WASHC5: variants seen among roughly 807,000 people sequenced by gnomAD.
WASHC5 encodes the protein WASH complex subunit 5.
A neutral mutation model predicts 150.4 loss-of-function variants in WASHC5; 101 were observed. That is an observed-to-expected ratio of 0.67 (90% CI 0.57 to 0.79). The LOEUF (loss-of-function observed/expected upper bound fraction) is 0.79, where lower values mean the gene tolerates loss of function less well. Ranked by LOEUF, WASHC5 falls within the 30% of genes least tolerant of loss-of-function variation. The pLI is 0.00. For missense variants in WASHC5, 1,195 were observed against 1,396.3 expected (o/e 0.86, Z 2.30); for synonymous variants, 467 against 491.2 (o/e 0.95, Z 0.65).
At chr8:125,066,133 A>G (rs774485090) in intron 10 of WASHC5, among the ~76,000 whole-genome samples, 9 of 152,196 alleles carry the variant, frequency 5.9e-5, no homozygotes, top group Non-Finnish European at 1.0e-4. Flanking sequence ...TAGGTATTCA[A>G]TAACTATTTG....
chr8:125,048,543 G>A (rs79033820), intron 19 of WASHC5, among the ~76,000 whole-genome samples: 4,263 of 152,206 alleles, frequency 0.028, 203 homozygotes, highest in African/African-American at 0.098. Context: ...AAAATAACAA[G>A]CATTGGTTAG....
Position 125,056,810 on chromosome 8 carries a change from T to G in WASHC5, c.1883A>C (p.Gln628Pro). Residue 628 changes from glutamine to proline, a missense_variant, in exon 16 of 29, where the codon CAG (glutamine) becomes CCG (proline). By Grantham distance (76) the Gln-to-Pro change is moderately conservative. Around this residue, in one of 3 missense-constraint regions of WASHC5, gnomAD observed 997 missense variants for 1,168.1 expected, o/e 0.85. Coordinates refer to ENST00000318410, the MANE Select transcript of WASHC5 (RefSeq NM_014846.4). ...TGTAAACATGCTTTCTGGGATGATCTGCAAAACCTTCAGTGAAAAGGAAAG... is the reference window on the plus strand; with the variant it reads ...TGTAAACATGCTTTCTGGGATGATCGGCAAAACCTTCAGTGAAAAGGAAAG... The part of the protein sequence containing the change: ...ELVSYVRKVL[Q>P]IIPESMFTSL... 6.2e-7 allele frequency: 1 copy of G among 1,614,168 alleles called. No individual in the cohort carries two copies. The highest frequency in any genetic ancestry group is 8.5e-7 in the Non-Finnish European group (1 of 1,180,012).
chr8:125,051,623 C>CA (rs538984086), intron 17 of WASHC5, among the ~76,000 whole-genome samples: 33 of 152,364 alleles, frequency 2.2e-4, no homozygotes, highest in Admixed American at 4.6e-4. Context: ...CGTGGTGACT[C>CA]ACGCCTGTAA....
At chr8:125,063,844 A>G (rs1176971074) in intron 10 of WASHC5, among the ~76,000 whole-genome samples, 193 bp from the exon 11 acceptor site, 1 of 152,222 alleles carries the variant, frequency 6.6e-6, no homozygotes, top group South Asian at 2.1e-4. Context: ...GACCACCTCC[A>G]AAACAGTAGT....
intron 12 of WASHC5, 74 bp downstream of exon 12, chr8:125,061,007 AG>A (rs905219624): frequency 1.8e-5 from 14 of 788,674 alleles, no homozygotes; most frequent in Non-Finnish European, 2.7e-5. Flanking sequence ...CTATATTTAC[AG>A]GAACAGACTG....
chr8:125,078,810 C>G lies in WASHC5; in HGVS notation c.639G>C (p.Gln213His), dbSNP rs141234822. 138 of 1,613,918 alleles carry G rather than the reference C, an allele frequency of 8.6e-5. 1 individual carries two copies. Among genetic ancestry groups the G allele is most frequent in the Non-Finnish European group, 1.1e-5 (13 of 1,179,964 alleles). ...RPSNYPESYF[Q>H]RVPINESFIS... ...TGAAGGATTCGTTGATAGGCACTCT[C>G]TGGAAATAGCTCTCGGGATAGTTGG... Residue 213 changes from glutamine (Q) to histidine (H), a missense_variant, in exon 6 of 29, where the codon CAG (glutamine) becomes CAC (histidine). By Grantham distance (24) the Gln-to-His change is conservative. Around this residue, in one of 3 missense-constraint regions of WASHC5, gnomAD observed 997 missense variants for 1,168.1 expected, o/e 0.85. Transcript: ENST00000318410.
chr8:125,090,281 C>G (rs1399572045), intron 1 of WASHC5, among the ~76,000 whole-genome samples: 1 of 152,184 alleles, frequency 6.6e-6, no homozygotes, highest in Non-Finnish European at 1.5e-5. Context: ...AGAACAGAAT[C>G]TAAGAACCAT....
intron 26 of WASHC5, among the ~76,000 whole-genome samples, chr8:125,036,846 A>T (rs1319681839): frequency 1.3e-5 from 2 of 152,080 alleles, no homozygotes; most frequent in Non-Finnish European, 2.9e-5. Flanking sequence ...CTCTGTCTCT[A>T]CTAAAAATAC....
intron 11 of WASHC5, among the ~76,000 whole-genome samples, chr8:125,061,526 C>T (rs765068510): frequency 7.9e-5 from 12 of 152,010 alleles, no homozygotes; most frequent in Middle Eastern, 3.4e-3. Flanking sequence ...TCTGGAGAAG[C>T]GAGGAAAAGT....
chr8:125,029,884 CTG>C (rs1429501585), intron 27 of WASHC5, among the ~76,000 whole-genome samples: 1 of 152,196 alleles, frequency 6.6e-6, no homozygotes, highest in Non-Finnish European at 1.5e-5. Flanking sequence ...TTAAGAATGA[CTG>C]TACCTGGAAA....
chr8:125,036,931 T>G (rs940939724), intron 26 of WASHC5, among the ~76,000 whole-genome samples: 2 of 152,134 alleles, frequency 1.3e-5, no homozygotes, highest in Non-Finnish European at 2.9e-5. Flanking sequence ...GAGAATCGCT[T>G]GAACCTGCGA....
In WASHC5 at chr8:125,075,532, A is replaced by G. The variant is rs541572285; in HGVS notation, c.865-421T>C. Among the ~76,000 whole-genome samples the G allele has an allele frequency of 4.0e-4, 61 of 152,296 alleles. 1 individual carries two copies. The highest frequency in any genetic ancestry group is 3.4e-3 in the Middle Eastern group (1 of 294). On this transcript the variant is annotated intron_variant, in intron 7 of 28. Coordinates refer to ENST00000318410, the MANE Select transcript of WASHC5 (RefSeq NM_014846.4). ...CTTAATAATAAATATGTCTTTAATT[A>G]TAGTATCATGGTCAAAACTTCTTTA...
At chr8:125,081,236 CTTTT>C (rs35035456) in intron 5 of WASHC5, among the ~76,000 whole-genome samples, 6 of 129,146 alleles carry the variant, frequency 4.6e-5, no homozygotes, top group South Asian at 2.5e-4. Flanking sequence ...AAGAATCTTA[CTTTT>C]TTTTTTTTTT....
At chr8:125,039,939 C>A (rs372807188) in intron 23 of WASHC5, 41 bp from the exon 24 acceptor site, 691 of 1,341,040 alleles carry the variant, frequency 5.2e-4, no homozygotes, top group Non-Finnish European at 6.9e-4. Flanking sequence ...TGCATTCAAG[C>A]ATTTCAGAGT....
chr8:125,075,820 C>A (rs75480157), intron 7 of WASHC5, among the ~76,000 whole-genome samples: 1 of 152,158 alleles, frequency 6.6e-6, no homozygotes, highest in Non-Finnish European at 1.5e-5. Context: ...TCATATATTT[C>A]ATTTCATATA....
In WASHC5 at chr8:125,024,648, A is replaced by G. The variant is rs752817483; in HGVS notation, c.3449T>C (p.Phe1150Ser). 6.2e-7 allele frequency: 1 copy of G among 1,611,674 alleles called. No homozygotes were observed. The highest frequency in any genetic ancestry group is 1.1e-5 in the South Asian group (1 of 91,030). Residue 1150 changes from phenylalanine (F) to serine (S), a missense_variant, in exon 29 of 29, where the codon TTC becomes TCC. Transcript: ENST00000318410. ...CACTGTTCTGAACTCATCAAAAATG[A>G]AATTAGGCACATGTGCTTCAGCAAC... ...RRVAEAHVPN[F>S]IFDEFRTVL
In WASHC5 at chr8:125,024,676, G is replaced by A. The variant is rs1304405279; in HGVS notation, c.3424-3C>T. The A allele has an allele frequency of 6.3e-7, 1 of 1,597,926 alleles. No homozygotes were observed. ...TTAGGCACATGTGCTTCAGCAACCT[G>A]AAAAATTAAAGAATTAAATTATTCA... On this transcript the variant is annotated splice_region_variant and splice_polypyrimidine_tract_variant and intron_variant, in intron 28 of 28. Transcript: ENST00000318410.
Position 125,049,111 on chromosome 8 carries a change from T to C in WASHC5, c.2274A>G (p.Ile758Met). Reference protein sequence around the residue: ...MDGFHRSFEYIQDYVNIYGLK... With the variant: ...MDGFHRSFEYMQDYVNIYGLK... ...GACCATAAATGTTGACATAGTCCTG[T>C]ATGTATTCAAAAGAACGATGGAATC... The change falls in exon 19 of 29, where the codon ATA (isoleucine) becomes ATG (methionine). Residue 758 changes from isoleucine (I) to methionine (M), a missense_variant. Coordinates refer to ENST00000318410, the MANE Select transcript of WASHC5 (RefSeq NM_014846.4). 1 of 1,614,080 alleles carries C rather than the reference T, an allele frequency of 6.2e-7. No individual in the cohort carries two copies. Among genetic ancestry groups the C allele is most frequent in the South Asian group, 1.1e-5 (1 of 91,088 alleles).
In WASHC5 at chr8:125,039,841, G is replaced by A. The variant is rs779693936; in HGVS notation, c.2908C>T (p.Arg970Trp). The A allele has an allele frequency of 1.1e-5, 17 of 1,613,760 alleles. No individual in the cohort carries two copies. The highest frequency in any genetic ancestry group is 1.4e-5 in the Non-Finnish European group (17 of 1,179,898). ...GCTGCCAGATGTTTAGAATCAAACC[G>A]ACAAGAATAATTTAATTCATTGGCA... ...QIANELNYSC[R>W]FDSKHLAAAL... Residue 970 changes from arginine (R) to tryptophan (W), a missense_variant, in exon 24 of 29, where the codon CGG (arginine) becomes TGG (tryptophan). Transcript: ENST00000318410.
Sources: allele counts gnomAD v4.1 joint callset (sites outside exome capture counted in the v4.1 genomes callset), GRCh38; gene constraint gnomAD v4.1.1; regional missense constraint gnomAD v4.1.1; transcripts MANE v1.5; gene names NCBI Gene and HGNC (gene_info 2026-07-23, HGNC 2026-07-21).